Variants in FHIT observed in about 807,000 individuals in gnomAD.
The protein encoded by FHIT is bis(5'-adenosyl)-triphosphatase.
A neutral mutation model predicts 17.9 loss-of-function variants in FHIT; 19 were observed. That is an observed-to-expected ratio of 1.06 (90% CI 0.74 to 1.56). FHIT has a LOEUF of 1.56. Ranked by LOEUF, FHIT falls within the 40% of genes most tolerant of loss-of-function variation. The probability of loss-of-function intolerance (pLI) is 0.00; values close to 1 mark genes in which losing one functional copy is unlikely to be tolerated. For synonymous variants in FHIT, 81 were observed against 69.7 expected, an observed-to-expected ratio of 1.16 and a Z score of -0.81; for missense variants, 248 against 189.2, an observed-to-expected ratio of 1.31 and a Z score of -1.82.
intron 5 of FHIT, among the ~76,000 whole-genome samples, chr3:60,533,940 A>G (rs2107593283): frequency 6.6e-6 from 1 of 152,292 alleles, no homozygotes; most frequent in East Asian, 1.9e-4. Context: ...AGACAGCATA[A>G]ATCTAGATGA....
chr3:60,330,910 G>A (rs971862495), intron 5 of FHIT, among the ~76,000 whole-genome samples: 1 of 152,180 alleles, frequency 6.6e-6, no homozygotes, highest in Non-Finnish European at 1.5e-5. Context: ...TAAAGCAGAA[G>A]CTCCCAACCA....
chr3:60,094,254 A>C (rs1209438738), intron 5 of FHIT, among the ~76,000 whole-genome samples: 1 of 152,192 alleles, frequency 6.6e-6, no homozygotes, highest in South Asian at 2.1e-4. Flanking sequence ...TTAGCAGTTT[A>C]GACACTTATG....
At chr3:60,859,795 G>A (rs191635049) in intron 3 of FHIT, among the ~76,000 whole-genome samples, 1,329 of 121,592 alleles carry the variant, frequency 0.011, 20 homozygotes, top group African/African-American at 0.039. Context: ...TGTAATCCCA[G>A]CCCTTTGGGA....
intron 4 of FHIT, among the ~76,000 whole-genome samples, chr3:60,638,532 A>C (rs2856054): frequency 6.6e-6 from 1 of 152,136 alleles, no homozygotes; most frequent in Non-Finnish European, 1.5e-5. Flanking sequence ...TAAAAATCTT[A>C]ATGTTCAGGT....
chr3:60,023,447 C>T (rs3856659), intron 5 of FHIT, among the ~76,000 whole-genome samples: 69,661 of 151,960 alleles, frequency 0.46, 17,045 homozygotes, highest in East Asian at 0.75. Context: ...CCCACATAGA[C>T]AGGATTCTTC....
At chr3:60,279,466 A>C (rs1298057564) in intron 5 of FHIT, among the ~76,000 whole-genome samples, 1 of 152,166 alleles carries the variant, frequency 6.6e-6, no homozygotes, top group Non-Finnish European at 1.5e-5. Flanking sequence ...TAACTGATGA[A>C]TTCTATCAAA....
chr3:60,810,270 A>T (rs1179436343), intron 4 of FHIT, among the ~76,000 whole-genome samples: 24 of 152,342 alleles, frequency 1.6e-4, no homozygotes, highest in African/African-American at 5.5e-4. Flanking sequence ...TATAAACAAA[A>T]CAAGAAAAAT....
intron 4 of FHIT, among the ~76,000 whole-genome samples, chr3:60,731,180 C>T (rs782457113): frequency 7.2e-5 from 11 of 151,918 alleles, no homozygotes; most frequent in African/African-American, 1.2e-4. Context: ...GACAGCAGTA[C>T]GTTACTGGCC....
chr3:60,923,199 T>C (rs1707376852), intron 3 of FHIT, among the ~76,000 whole-genome samples: 1 of 152,210 alleles, frequency 6.6e-6, no homozygotes, highest in South Asian at 2.1e-4. Context: ...TTTTACAAAA[T>C]TTCTCAAGTT....
intron 2 of FHIT, among the ~76,000 whole-genome samples, chr3:61,064,445 C>T (rs2034533432): frequency 6.6e-6 from 1 of 152,128 alleles, no homozygotes; most frequent in South Asian, 2.1e-4. Context: ...CAAATCAACA[C>T]TGAGACTACT....
intron 5 of FHIT, among the ~76,000 whole-genome samples, chr3:60,322,735 A>G (rs903871918): frequency 4.6e-5 from 7 of 152,224 alleles, no homozygotes; most frequent in African/African-American, 1.4e-4. Flanking sequence ...CAACACTGTA[A>G]TCTGAGAAAT....
rs186503287 is a variant in FHIT at position 59,849,736 on chromosome 3, A to C, written c.348+72610T>G. On this transcript the variant is annotated intron_variant, in intron 8 of 9. Coordinates refer to ENST00000492590, the MANE Select transcript of FHIT (RefSeq NM_002012.4). ...ATCTAAAACTTCTTTGCTCTCTAAA[A>C]GTAAGACTTGTAATGTTTTCAGAAA... Among the ~76,000 whole-genome samples, 468 of 152,346 alleles carry C rather than the reference A, an allele frequency of 3.1e-3. 4 individuals carry two copies. Among genetic ancestry groups the C allele is most frequent in the African/African-American group, 0.01 (431 of 41,580 alleles).
intron 3 of FHIT, among the ~76,000 whole-genome samples, chr3:60,908,731 AG>A (rs1200301404): frequency 8.6e-4 from 116 of 135,192 alleles, no homozygotes; most frequent in Middle Eastern, 7.9e-3. Flanking sequence ...AAAAAAAAAA[AG>A]GGAGGGGACC....
At chr3:60,692,388 G>T (rs114512107) in intron 4 of FHIT, among the ~76,000 whole-genome samples, 1,624 of 152,306 alleles carry the variant, frequency 0.011, 30 homozygotes, top group African/African-American at 0.037. Flanking sequence ...AATTAAGTTT[G>T]CTAATCGTCT....
At chr3:60,437,428 G>C (rs1478291016) in intron 5 of FHIT, among the ~76,000 whole-genome samples, 1 of 152,092 alleles carries the variant, frequency 6.6e-6, no homozygotes, top group African/African-American at 2.4e-5. Flanking sequence ...AGAAAAGCAA[G>C]TAAAGCTCCA....
intron 4 of FHIT, chr3:60,596,237 C>T (rs2038266868): frequency 6.2e-6 from 1 of 161,518 alleles, no homozygotes; most frequent in Admixed American, 6.5e-5. Context: ...ACAGTGTTGG[C>T]TTCTTCCCTA....
chr3:60,485,691 A>G (rs1193326124), intron 5 of FHIT, among the ~76,000 whole-genome samples: 1 of 152,108 alleles, frequency 6.6e-6, no homozygotes, highest in Non-Finnish European at 1.5e-5. Context: ...ACAACAGGTC[A>G]ATAGGTGCAG....
intron 5 of FHIT, among the ~76,000 whole-genome samples, chr3:60,132,173 C>G (rs978125350): frequency 6.6e-6 from 1 of 152,182 alleles, no homozygotes; most frequent in African/African-American, 2.4e-5. Flanking sequence ...CCATTATTCT[C>G]TCTTCACTCT....
chr3:59,987,537 G>A (rs1033992113), intron 7 of FHIT, among the ~76,000 whole-genome samples: 7 of 151,958 alleles, frequency 4.6e-5, no homozygotes, highest in African/African-American at 1.7e-4. Flanking sequence ...CTAACATGAA[G>A]GCAAACTGTA....
Sources: allele counts gnomAD v4.1 joint callset (sites outside exome capture counted in the v4.1 genomes callset), GRCh38; gene constraint gnomAD v4.1.1; transcripts MANE v1.5; gene names NCBI Gene and HGNC (gene_info 2026-07-23, HGNC 2026-07-21).